Variants in OR11H4 observed in about 807,000 individuals in gnomAD.
The protein encoded by OR11H4 is olfactory receptor family 11 subfamily H member 4.
For synonymous variants in OR11H4, 162 were observed against 142.3 expected (o/e 1.14, Z -0.98); for missense variants, 460 against 371.1 (o/e 1.24, Z -1.97).
At chr14:20,239,870 T>C (rs565803279) in intron 1 of OR11H4, among the ~76,000 whole-genome samples, 3 of 152,256 alleles carry the variant, frequency 2.0e-5, no homozygotes, top group East Asian at 3.9e-4. Context: ...GGTGGTGTTA[T>C]ATAAAACTTT....
intron 1 of OR11H4, among the ~76,000 whole-genome samples, chr14:20,241,836 A>AT (rs1880930532): frequency 6.6e-6 from 1 of 152,086 alleles, no homozygotes. Context: ...AGAAGAATCT[A>AT]TGTCATAATT....
Position 20,243,841 on chromosome 14 carries a change from C to G in OR11H4, c.*75C>G, listed in dbSNP as rs981026844. ...TGTTGTCAGTTCTTTAGCAGTCTTT[C>G]AGTCCTCAGTCTGAGTAGTTAGAGG... On this transcript the variant is annotated 3_prime_UTR_variant, in exon 2 of 2. Transcript: ENST00000641082. 1 of 1,422,274 alleles carries G rather than the reference C, an allele frequency of 7.0e-7. No individual in the cohort carries two copies. Among genetic ancestry groups the G allele is most frequent in the African/African-American group, 1.4e-5 (1 of 69,980 alleles). 88.1% of individuals were successfully genotyped at this position (1,422,274 alleles called of 1,614,324 possible).
chr14:20,241,352 C>G (rs1177971763), intron 1 of OR11H4, among the ~76,000 whole-genome samples: 1 of 149,088 alleles, frequency 6.7e-6, no homozygotes, highest in East Asian at 1.9e-4. Context: ...TTGTTTTGTT[C>G]AAACATCTAA....
intron 1 of OR11H4, among the ~76,000 whole-genome samples, chr14:20,241,770 A>G (rs1880926683): frequency 6.6e-6 from 1 of 152,104 alleles, no homozygotes; most frequent in African/African-American, 2.4e-5. Flanking sequence ...GCAAAAAGGA[A>G]TGTAGTAGGA....
rs1402620532 is a variant in OR11H4 at position 20,242,899 on chromosome 14, C to G, written c.78C>G (p.Phe26Leu). 6.2e-7 allele frequency: 1 copy of G among 1,614,078 alleles called. No individual in the cohort carries two copies. Among genetic ancestry groups the G allele is most frequent in the Admixed American group, 1.7e-5 (1 of 60,014 alleles). ...GFPGCWKIQI[F>L]LFSLFLVIYV... is the part of the protein sequence containing the mutation. ...CTGGTTGCTGGAAGATTCAGATTTT[C>G]CTCTTCTCATTGTTTTTGGTGATTT... The change falls in exon 2 of 2, where the codon TTC becomes TTG. Residue 26 changes from phenylalanine to leucine, a missense_variant. Coordinates refer to ENST00000641082, the MANE Select transcript of OR11H4 (RefSeq NM_001004479.2).
chr14:20,242,703 C>T, intron 1 of OR11H4, 108 bp from the exon 2 acceptor site: 3 of 1,269,762 alleles, frequency 2.4e-6, no homozygotes, highest in Admixed American at 2.2e-5. Context: ...CATGTATTTT[C>T]CTGTATACCT....
chr14:20,243,698 C>T lies in OR11H4; in HGVS notation c.877C>T (p.Arg293Cys), dbSNP rs768977969. ...TTTTAATCCTCTGATCTATACTCTT[C>T]GTAATAAGGACATGAAACTCGCTCT... The part of the protein sequence containing the change: ...PLFNPLIYTL[R>C]NKDMKLALRN... Residue 293 changes from arginine to cysteine, a missense_variant, in exon 2 of 2, where the codon CGT becomes TGT. By Grantham distance (180) the Arg-to-Cys change is radical. Coordinates refer to ENST00000641082, the MANE Select transcript of OR11H4 (RefSeq NM_001004479.2). 5.6e-6 allele frequency: 9 copies of T among 1,606,386 alleles called. No homozygotes were observed. Among genetic ancestry groups the T allele is most frequent in the African/African-American group, 1.3e-5 (1 of 74,438 alleles).
At position 20,243,478 on chromosome 14, in the gene OR11H4, CCTGTTA is replaced by C; in HGVS notation, c.660_665del (p.Leu221_Leu222del). On this transcript the variant is annotated inframe_deletion, in exon 2 of 2. Coordinates refer to ENST00000641082, the MANE Select transcript of OR11H4 (RefSeq NM_001004479.2). ...GTATGTACATTCTTCGATCCTATAT[CCTGTTA>C]CTAACAGCTGTTTTTCAGGTCCCTT... is the stretch of plus-strand genomic sequence containing the variant. The C allele has an allele frequency of 6.2e-7, 1 of 1,613,920 alleles. No homozygotes were observed.
Position 20,243,896 on chromosome 14 carries a change from C to A in OR11H4, c.*130C>A. ...ATATTTTACCTGGAAGTGTGCCCAGCTTAAATATGTTTCCAGCACTGACTC... is the reference window on the plus strand; with the variant it reads ...ATATTTTACCTGGAAGTGTGCCCAGATTAAATATGTTTCCAGCACTGACTC... On this transcript the variant is annotated 3_prime_UTR_variant, in exon 2 of 2. Transcript: ENST00000641082. 1 of 872,278 alleles carries A rather than the reference C, an allele frequency of 1.1e-6. No individual in the cohort carries two copies. Among genetic ancestry groups the A allele is most frequent in the African/African-American group, 1.7e-5 (1 of 59,114 alleles). 54.0% of individuals were successfully genotyped at this position (872,278 alleles called of 1,614,324 possible). A position where few individuals can be genotyped will look rare whatever the true frequency, so the allele number is the denominator to read the frequency against.
At chr14:20,242,618 T>C (rs1880959739) in intron 1 of OR11H4, 193 bp from the exon 2 acceptor site, 1 of 626,438 alleles carries the variant, frequency 1.6e-6, no homozygotes, top group Admixed American at 2.9e-5. Flanking sequence ...CATTGGATTC[T>C]AGCAAAATAA....
rs761731813 is a variant in OR11H4, at chr14:20,242,807, G to A, written c.-11-4G>A. 1 of 1,612,328 alleles carries A rather than the reference G, an allele frequency of 6.2e-7. No individual in the cohort carries two copies. Among genetic ancestry groups the A allele is most frequent in the Non-Finnish European group, 8.5e-7 (1 of 1,178,988 alleles). ...GATTACACTCATGTCTTTCTTCTTT[G>A]TAGACTTAAGACCCATGAACAGGTC... On this transcript the variant is annotated splice_polypyrimidine_tract_variant and splice_region_variant and intron_variant, in intron 1 of 1. Transcript: ENST00000641082.
At position 20,243,322 on chromosome 14, in the gene OR11H4, C is replaced by A; in HGVS notation, c.501C>A (p.Pro167=). The change falls in exon 2 of 2, where the codon CCC becomes CCA. Residue 167 remains proline (P), a synonymous_variant. Transcript: ENST00000641082. ...PIPIFYISQL[P]FCGPNIIDHF... The stretch of plus-strand genomic sequence containing the variant: ...CCATTTTCTACATCTCCCAACTCCC[C>A]TTCTGTGGTCCTAATATCATTGATC... 1 of 1,614,022 alleles carries A rather than the reference C, an allele frequency of 6.2e-7. No homozygotes were observed. Among genetic ancestry groups the A allele is most frequent in the Non-Finnish European group, 8.5e-7 (1 of 1,179,880 alleles).
Position 20,243,193 on chromosome 14 carries a change from G to A in OR11H4, c.372G>A (p.Leu124=), listed in dbSNP as rs371911875. The A allele has an allele frequency of 1.2e-6, 2 of 1,613,980 alleles. No individual in the cohort carries two copies. The highest frequency in any genetic ancestry group is 1.3e-5 in the African/African-American group (1 of 74,884). The change falls in exon 2 of 2, where the codon CTG becomes CTA. Residue 124 remains leucine (L), a synonymous_variant. Coordinates refer to ENST00000641082, the MANE Select transcript of OR11H4 (RefSeq NM_001004479.2). ...CAGTAATGGCTTATGATCGATACCT[G>A]GCCATCTGCCACCCACTGCAGTACC... ...FLAVMAYDRY[L]AICHPLQYPA...
Position 20,243,107 on chromosome 14 carries a change from G to A in OR11H4, c.286G>A (p.Gly96Arg). 1 of 1,614,034 alleles carries A rather than the reference G, an allele frequency of 6.2e-7. No individual in the cohort carries two copies. Among genetic ancestry groups the A allele is most frequent in the Admixed American group, 1.7e-5 (1 of 60,004 alleles). Residue 96 changes from glycine to arginine, a missense_variant, in exon 2 of 2, where the codon GGG becomes AGG. By Grantham distance (125) the Gly-to-Arg change is moderately radical. Coordinates refer to ENST00000641082, the MANE Select transcript of OR11H4 (RefSeq NM_001004479.2). Reference sequence around the variant, plus strand: ...CAAGACCAAGGCCATCTCATTTTCTGGGTGCTTCCTCCAGTTCTATTTCTT... The same window carrying A: ...CAAGACCAAGGCCATCTCATTTTCTAGGTGCTTCCTCCAGTTCTATTTCTT... ...LSKTKAISFSGCFLQFYFFFS... is the reference protein window; with the variant it reads ...LSKTKAISFSRCFLQFYFFFS...
chr14:20,240,546 A>G (rs1306236082), intron 1 of OR11H4, among the ~76,000 whole-genome samples: 1 of 151,164 alleles, frequency 6.6e-6, no homozygotes, highest in Non-Finnish European at 1.5e-5. Context: ...AGAGATCTAA[A>G]CTTAACAAGA....
Position 20,243,609 on chromosome 14 carries a change from C to T in OR11H4, c.788C>T (p.Thr263Ile). The T allele has an allele frequency of 6.2e-7, 1 of 1,614,028 alleles. No individual in the cohort carries two copies. Among genetic ancestry groups the T allele is most frequent in the Non-Finnish European group, 8.5e-7 (1 of 1,179,942 alleles). The change falls in exon 2 of 2, where the codon ACA (threonine) becomes ATA (isoleucine). Residue 263 changes from threonine to isoleucine, a missense_variant. Physicochemically the swap from Thr to Ile is moderately conservative, Grantham distance 89. Transcript: ENST00000641082. Reference sequence around the variant, plus strand: ...GTCATGGTAATGTATGTAAGTCCTACATATGGGATCCCAACTTTATTGCAG... The same window carrying T: ...GTCATGGTAATGTATGTAAGTCCTATATATGGGATCCCAACTTTATTGCAG... The part of the protein sequence containing the change: ...GTVMVMYVSP[T>I]YGIPTLLQKI...
Position 20,243,308 on chromosome 14 carries a change from A to G in OR11H4, c.487A>G (p.Ile163Val), listed in dbSNP as rs781611053. ...TGGATACCCAATTCCCATTTTCTAC[A>G]TCTCCCAACTCCCCTTCTGTGGTCC... ...FLGYPIPIFYISQLPFCGPNI... is the reference protein window; with the variant it reads ...FLGYPIPIFYVSQLPFCGPNI... The change falls in exon 2 of 2, where the codon ATC becomes GTC. Residue 163 changes from isoleucine to valine, a missense_variant. Transcript: ENST00000641082. The G allele has an allele frequency of 9.9e-6, 16 of 1,613,626 alleles. No individual in the cohort carries two copies. Among genetic ancestry groups the G allele is most frequent in the Middle Eastern group, 1.6e-4 (1 of 6,084 alleles).
intron 1 of OR11H4, among the ~76,000 whole-genome samples, chr14:20,241,400 T>C (rs1308221507): frequency 6.6e-6 from 1 of 152,172 alleles, no homozygotes; most frequent in Non-Finnish European, 1.5e-5. Flanking sequence ...CAAAATGTCT[T>C]TTCTAACAAC....
intron 1 of OR11H4, among the ~76,000 whole-genome samples, chr14:20,241,616 T>G (rs1020412768): frequency 6.6e-6 from 1 of 152,128 alleles, no homozygotes; most frequent in African/African-American, 2.4e-5. Flanking sequence ...GACGAGAGAC[T>G]GAGAAAAGAA....
Sources: allele counts gnomAD v4.1 joint callset (sites outside exome capture counted in the v4.1 genomes callset), GRCh38; gene constraint gnomAD v4.1.1; transcripts MANE v1.5; gene names NCBI Gene and HGNC (gene_info 2026-07-23, HGNC 2026-07-21).